The following NARF variants were observed in gnomAD, a reference collection of about 807,000 sequenced individuals.
NARF encodes iron-only hydrogenase-like protein 2.
NARF carries 41 observed loss-of-function variants against 48.0 expected under a neutral mutation model. The observed-to-expected ratio is 0.85, with a 90% CI of 0.66 to 1.11. NARF has a LOEUF of 1.11. NARF is among the 50% of genes least tolerant of loss of function. The probability of loss-of-function intolerance (pLI) is 0.00; values close to 1 mark genes in which losing one functional copy is unlikely to be tolerated. For missense variants in NARF, 613 were observed against 590.2 expected (o/e 1.04, Z -0.40); for synonymous variants, 215 against 225.5 (o/e 0.95, Z 0.42).
chr17:82,485,086 T>C, intron 9 of NARF, 136 bp downstream of exon 9: 1 of 1,154,504 alleles, frequency 8.7e-7, no homozygotes, highest in South Asian at 2.0e-5. Flanking sequence ...TTTTTGTGTT[T>C]ATTCAGACCT....
intron 5 of NARF, chr17:82,478,510 TC>T: frequency 2.0e-6 from 1 of 497,044 alleles, no homozygotes; most frequent in South Asian, 1.6e-5. Flanking sequence ...CAGTGCTTGT[TC>T]CCCTTCACCT....
intron 7 of NARF, chr17:82,481,774 T>C (rs2143941827): frequency 2.3e-6 from 1 of 432,350 alleles, no homozygotes; most frequent in African/African-American, 2.1e-5. Flanking sequence ...GAGAACCACT[T>C]GGGCAGTGTG....
Position 82,481,221 on chromosome 17 carries a change from G to A in NARF, c.769+10G>A. 2 of 1,613,480 alleles carry A rather than the reference G, an allele frequency of 1.2e-6. No individual in the cohort carries two copies. The highest frequency in any genetic ancestry group is 1.7e-6 in the Non-Finnish European group (2 of 1,179,966). On this transcript the variant is annotated intron_variant, in intron 7 of 10. Coordinates refer to ENST00000309794, the MANE Select transcript of NARF (RefSeq NM_012336.4). Reference sequence around the variant, plus strand: ...TGCGTGTTAACATCAGGTGAGAGGTGGGCGGGGGTGCACCTGGGCGCTGGG... The same window carrying A: ...TGCGTGTTAACATCAGGTGAGAGGTAGGCGGGGGTGCACCTGGGCGCTGGG...
intron 5 of NARF, among the ~76,000 whole-genome samples, chr17:82,473,587 G>A (rs1431502400): frequency 1.3e-5 from 2 of 151,408 alleles, no homozygotes; most frequent in African/African-American, 2.4e-5. Flanking sequence ...TCCTGACCTC[G>A]TGATCTGCCT....
At chr17:82,477,667 A>G (rs1336856398) in intron 5 of NARF, 1 of 152,142 alleles carries the variant, frequency 6.6e-6, no homozygotes, top group Non-Finnish European at 1.5e-5. Flanking sequence ...GGTGTGCACC[A>G]CCACGCCTGG....
intron 5 of NARF, among the ~76,000 whole-genome samples, chr17:82,477,469 A>G (rs977143512): frequency 6.6e-6 from 1 of 151,746 alleles, no homozygotes; most frequent in Non-Finnish European, 1.5e-5. Context: ...GTGTGACTGC[A>G]CTCCAGCCTG....
intron 3 of NARF, among the ~76,000 whole-genome samples, chr17:82,465,232 A>AC (rs912548454): frequency 6.6e-6 from 1 of 152,100 alleles, no homozygotes; most frequent in Non-Finnish European, 1.5e-5. Context: ...CGCCCCCATG[A>AC]CCCAGTCACC....
rs930960601 is a variant in NARF at position 82,464,905 on chromosome 17, A to G, written c.252+475A>G. Among the ~76,000 whole-genome samples the G allele has an allele frequency of 2.6e-5, 4 of 152,310 alleles. 1 individual carries two copies. In the Middle Eastern group the frequency reaches 0.01, roughly 389 times the overall value. ...CAGCTCATCCCTGCAGACCTCCTAT[A>G]CAGAACGAGAGGTGCCACTTGTCTT... On this transcript the variant is annotated intron_variant, in intron 3 of 10. Transcript: ENST00000309794.
chr17:82,477,419 G>A (rs1328918117), intron 5 of NARF, among the ~76,000 whole-genome samples: 1 of 151,828 alleles, frequency 6.6e-6, no homozygotes, highest in African/African-American at 2.4e-5. Context: ...CAGAAGAATC[G>A]CTTGAACCCG....
intron 3 of NARF, among the ~76,000 whole-genome samples, chr17:82,468,252 A>G (rs1428365243): frequency 1.3e-5 from 2 of 151,510 alleles, no homozygotes; most frequent in African/African-American, 4.8e-5. Flanking sequence ...CAGAAGTTGC[A>G]GCGAGCTGAG....
chr17:82,481,199 G>T lies in NARF; in HGVS notation c.757G>T (p.Val253Leu), dbSNP rs747350685. ...ALHGSRGADC[V>L]LTSGEIAQIM... ...GCATGGCTCCCGGGGCGCTGACTGC[G>T]TGTTAACATCAGGTGAGAGGTGGGC... Residue 253 changes from valine (V) to leucine (L), a missense_variant, in exon 7 of 11, where the codon GTG (valine) becomes TTG (leucine). Coordinates refer to ENST00000309794, the MANE Select transcript of NARF (RefSeq NM_012336.4). 3.7e-6 allele frequency: 6 copies of T among 1,613,866 alleles called. No homozygotes were observed. In the Admixed American group the frequency reaches 5.0e-5, roughly 13 times the overall value.
rs2043396686 is a variant in NARF, at chr17:82,460,077, G to A, written c.108+5G>A. The A allele has an allele frequency of 6.2e-7, 1 of 1,613,142 alleles. No individual in the cohort carries two copies. The highest frequency in any genetic ancestry group is 2.2e-5 in the East Asian group (1 of 44,846). On this transcript the variant is annotated splice_donor_5th_base_variant and intron_variant, in intron 2 of 10. Transcript: ENST00000309794. Reference sequence around the variant, plus strand: ...CCAGCCCAGGAAAATGGAGAGGCAAGTAGATTTTTCAGTTTTGTATCAGCC... The same window carrying A: ...CCAGCCCAGGAAAATGGAGAGGCAAATAGATTTTTCAGTTTTGTATCAGCC...
chr17:82,467,217 T>C (rs1039584452), intron 3 of NARF, among the ~76,000 whole-genome samples: 3 of 150,862 alleles, frequency 2.0e-5, no homozygotes, highest in African/African-American at 7.3e-5. Flanking sequence ...TGGCTAGCTT[T>C]TGTATTTTTA....
chr17:82,465,991 G>A (rs2043557331), intron 3 of NARF, among the ~76,000 whole-genome samples: 1 of 152,212 alleles, frequency 6.6e-6, no homozygotes, highest in Non-Finnish European at 1.5e-5. Flanking sequence ...TGCCTGGATA[G>A]GATGGTCTGA....
At chr17:82,487,610 C>T (rs1415717623) in intron 10 of NARF, among the ~76,000 whole-genome samples, 2 of 152,158 alleles carry the variant, frequency 1.3e-5, no homozygotes, top group African/African-American at 2.4e-5. Context: ...CAACATTCCA[C>T]GTCCCCTTTA....
intron 5 of NARF, 78 bp from the exon 6 acceptor site, chr17:82,478,722 G>T: frequency 1.4e-6 from 2 of 1,418,836 alleles, no homozygotes; most frequent in Non-Finnish European, 9.9e-7. Flanking sequence ...AGGGACTCGA[G>T]CTCAGCATTC....
intron 3 of NARF, among the ~76,000 whole-genome samples, 197 bp downstream of exon 3, chr17:82,464,627 C>T (rs2043518831): frequency 6.6e-6 from 1 of 152,212 alleles, no homozygotes; most frequent in Non-Finnish European, 1.5e-5. Flanking sequence ...TTCCTGCTCC[C>T]TTAATAATGC....
chr17:82,481,743 A>G, intron 7 of NARF: 3 of 434,492 alleles, frequency 6.9e-6, no homozygotes, highest in South Asian at 1.6e-5. Context: ...AAAAAAAAAA[A>G]AAAGATAAAT....
At chr17:82,480,669 A>G in intron 6 of NARF, 1 of 434,846 alleles carries the variant, frequency 2.3e-6, no homozygotes, top group Non-Finnish European at 4.1e-6. Context: ...TCGATGGCTC[A>G]CGCCTGTAAT....
Sources: allele counts gnomAD v4.1 joint callset (sites outside exome capture counted in the v4.1 genomes callset), GRCh38; gene constraint gnomAD v4.1.1; transcripts MANE v1.5; gene names NCBI Gene and HGNC (gene_info 2026-07-23, HGNC 2026-07-21).